WLS: variants seen among roughly 807,000 people sequenced by gnomAD.
WLS encodes the protein Wnt ligand secretion mediator, also known as protein wntless homolog.
WLS carries 23 observed loss-of-function variants against 62.8 expected under a neutral mutation model. That is an observed-to-expected ratio of 0.37 (90% CI 0.26 to 0.52). WLS has a LOEUF of 0.52. Ranked by LOEUF, WLS falls within the 20% of genes least tolerant of loss-of-function variation. WLS has a pLI of 0.92. For missense variants in WLS, 615 were observed against 697.3 expected, an observed-to-expected ratio of 0.88 and a Z score of 1.33; for synonymous variants, 246 against 244.1, an observed-to-expected ratio of 1.01 and a Z score of -0.07.
At chr1:68,103,229 G>T (rs985035114) in intron 11 of WLS, among the ~76,000 whole-genome samples, 3 of 152,232 alleles carry the variant, frequency 2.0e-5, no homozygotes, top group African/African-American at 7.2e-5. Context: ...AGGGAAACCA[G>T]TGGGGATATG....
intron 3 of WLS, among the ~76,000 whole-genome samples, chr1:68,155,758 A>G (rs1279510764): frequency 1.3e-5 from 2 of 152,150 alleles, no homozygotes; most frequent in Non-Finnish European, 2.9e-5. Context: ...GGGAGAAGCT[A>G]GAAGAAGCTG....
intron 2 of WLS, among the ~76,000 whole-genome samples, chr1:68,168,606 C>CT (rs1340862497): frequency 6.6e-6 from 1 of 152,132 alleles, no homozygotes; most frequent in Non-Finnish European, 1.5e-5. Flanking sequence ...TTGTCAAAAG[C>CT]TTTTAGGTTC....
intron 1 of WLS, among the ~76,000 whole-genome samples, chr1:68,196,056 A>G (rs1648642668): frequency 6.6e-6 from 1 of 151,798 alleles, no homozygotes; most frequent in Admixed American, 6.6e-5. Flanking sequence ...TTATAAATTT[A>G]TTATTTTTAT....
At chr1:68,154,996 A>G in intron 4 of WLS, 103 bp downstream of exon 4, 1 of 1,238,974 alleles carries the variant, frequency 8.1e-7, no homozygotes, top group South Asian at 1.5e-5. Context: ...TGAGTATGTT[A>G]TTATTCCCAT....
intron 11 of WLS, among the ~76,000 whole-genome samples, chr1:68,118,328 T>C (rs992481892): frequency 6.6e-6 from 1 of 152,208 alleles, no homozygotes; most frequent in Non-Finnish European, 1.5e-5. Flanking sequence ...AATTTCTGCA[T>C]CTTGAAGTTG....
intron 11 of WLS, among the ~76,000 whole-genome samples, chr1:68,110,081 G>C (rs891537798): frequency 1.6e-5 from 2 of 126,372 alleles, no homozygotes; most frequent in Non-Finnish European, 3.4e-5. Flanking sequence ...TAAAATAGAA[G>C]AACTACCAAA....
At chr1:68,209,983 A>G (rs1182798017) in intron 1 of WLS, among the ~76,000 whole-genome samples, 1 of 152,174 alleles carries the variant, frequency 6.6e-6, no homozygotes, top group Non-Finnish European at 1.5e-5. Context: ...TAATGCAGGG[A>G]TACACAAGAA....
intron 9 of WLS, 145 bp downstream of exon 9, chr1:68,145,724 A>T: frequency 7.3e-7 from 1 of 1,370,114 alleles, no homozygotes; most frequent in Non-Finnish European, 9.7e-7. Flanking sequence ...TTTGGCCTCT[A>T]ATTTTGCCCA....
intron 2 of WLS, chr1:68,162,162 C>G: frequency 5.5e-6 from 8 of 1,461,662 alleles, no homozygotes; most frequent in Non-Finnish European, 7.7e-6. Context: ...GTGCATCTTT[C>G]AACGGACCCT....
intron 2 of WLS, chr1:68,161,684 C>T: frequency 1.8e-6 from 2 of 1,125,196 alleles, no homozygotes; most frequent in South Asian, 1.4e-5. Flanking sequence ...TTCTTTTTCT[C>T]TTAGTTCATC....
chr1:68,199,696 A>C (rs1648895524), intron 1 of WLS, among the ~76,000 whole-genome samples: 1 of 152,120 alleles, frequency 6.6e-6, no homozygotes, highest in South Asian at 2.1e-4. Context: ...TCCCTGCTGT[A>C]CTCTATAGAG....
intron 4 of WLS, 57 bp downstream of exon 4, chr1:68,155,042 A>C: frequency 1.3e-6 from 2 of 1,565,580 alleles, no homozygotes; most frequent in Non-Finnish European, 1.7e-6. Context: ...AGAGGTGCCA[A>C]GAGTGAGATG....
chr1:68,146,109 G>T, intron 8 of WLS, 97 bp from the exon 9 acceptor site: 1 of 1,398,050 alleles, frequency 7.2e-7, no homozygotes, highest in Non-Finnish European at 9.7e-7. Context: ...TACTTGTTTT[G>T]TCTCCAAATA....
intron 11 of WLS, among the ~76,000 whole-genome samples, chr1:68,126,918 C>CA (rs1447283490): frequency 7.9e-5 from 12 of 152,128 alleles, no homozygotes; most frequent in Non-Finnish European, 1.8e-4. Context: ...GAGCCAGGTG[C>CA]AGTGGCTCAG....
chr1:68,160,071 C>CTTTTTTTT (rs58448910), intron 2 of WLS, among the ~76,000 whole-genome samples: 4 of 93,568 alleles, frequency 4.3e-5, no homozygotes, highest in East Asian at 4.0e-4. Context: ...GCAGAGAAGT[C>CTTTTTTTT]TTTTTTTTTT....
intron 4 of WLS, among the ~76,000 whole-genome samples, chr1:68,154,517 T>C (rs1302467049): frequency 6.6e-6 from 1 of 152,236 alleles, no homozygotes; most frequent in East Asian, 1.9e-4. Flanking sequence ...AATATGATCC[T>C]ACTTTTTGTA....
intron 2 of WLS, chr1:68,161,908 G>T: frequency 6.2e-7 from 1 of 1,610,388 alleles, no homozygotes. Context: ...TCCTCCTGGA[G>T]CCACGCCCAC....
intron 1 of WLS, among the ~76,000 whole-genome samples, chr1:68,221,422 T>C (rs1479386460): frequency 1.3e-5 from 2 of 152,170 alleles, no homozygotes; most frequent in Non-Finnish European, 2.9e-5. Flanking sequence ...ATCTTATCTA[T>C]GACTTCACTT....
At chr1:68,173,887 GT>G (rs1164833693) in intron 2 of WLS, among the ~76,000 whole-genome samples, 3 of 152,068 alleles carry the variant, frequency 2.0e-5, no homozygotes, top group Non-Finnish European at 2.9e-5. Flanking sequence ...AAATAAATGA[GT>G]TTTTTCCCCC....
Sources: allele counts gnomAD v4.1 joint callset (sites outside exome capture counted in the v4.1 genomes callset), GRCh38; gene constraint gnomAD v4.1.1; transcripts MANE v1.5; gene names NCBI Gene and HGNC (gene_info 2026-07-23, HGNC 2026-07-21).